NKAIN3: variants seen among roughly 807,000 people sequenced by gnomAD.
NKAIN3 encodes sodium/potassium transporting ATPase interacting 3.
A neutral mutation model predicts 30.2 loss-of-function variants in NKAIN3; 25 were observed. The observed-to-expected ratio is 0.83, with a 90% confidence interval of 0.60 to 1.16. The LOEUF (loss-of-function observed/expected upper bound fraction) is 1.16. Ranked by LOEUF, NKAIN3 falls within the 50% of genes most tolerant of loss-of-function variation. The pLI is 0.00. For synonymous variants in NKAIN3, 91 were observed against 89.6 expected (o/e 1.02, Z -0.09); for missense variants, 225 against 254.1 (o/e 0.89, Z 0.78).
In NKAIN3 at chr8:62,783,664, G is replaced by A. The variant is rs1012490099; in HGVS notation, c.471+36535G>A. Among the ~76,000 whole-genome samples, 30 of 136,964 alleles carry A rather than the reference G, an allele frequency of 2.2e-4. 1 individual carries two copies. Among genetic ancestry groups the A allele is most frequent in the Non-Finnish European group, 4.3e-4 (28 of 65,700 alleles). The allele number at this position is 136,964 out of a possible 152,430, so 89.9% of individuals were successfully genotyped here. A position where few individuals can be genotyped will look rare whatever the true frequency, so the allele number is the denominator to read the frequency against. On this transcript the variant is annotated intron_variant, in intron 4 of 6. Transcript: ENST00000623646. ...GCTGTGGCACCCAGGCTGCTGGAAT[G>A]CAATGGCAAGATCTCTGCTCACTGC...
At chr8:62,944,094 A>T (rs528385568) in intron 5 of NKAIN3, among the ~76,000 whole-genome samples, 2 of 152,188 alleles carry the variant, frequency 1.3e-5, no homozygotes, top group African/African-American at 2.4e-5. Flanking sequence ...AAAATCTCAG[A>T]AATCATCACT....
chr8:62,997,250 A>G (rs1019510856), intron 5 of NKAIN3, among the ~76,000 whole-genome samples: 9 of 152,232 alleles, frequency 5.9e-5, no homozygotes, highest in African/African-American at 1.7e-4. Context: ...TTAAGCTCCA[A>G]ATAAAATTTG....
chr8:62,597,787 G>C (rs1810877567), intron 3 of NKAIN3, among the ~76,000 whole-genome samples: 1 of 151,780 alleles, frequency 6.6e-6, no homozygotes, highest in Admixed American at 6.6e-5. Context: ...GTCTTCCCAA[G>C]TCTATGACTT....
intron 3 of NKAIN3, among the ~76,000 whole-genome samples, chr8:62,731,258 CACA>C (rs1815454403): frequency 6.6e-6 from 1 of 151,870 alleles, no homozygotes; most frequent in Non-Finnish European, 1.5e-5. Context: ...CACACACACA[CACA>C]CACACACACA....
At chr8:62,855,692 C>A (rs1201126588) in intron 4 of NKAIN3, 1 of 1,600,240 alleles carries the variant, frequency 6.2e-7, no homozygotes, top group African/African-American at 1.3e-5. Flanking sequence ...GCTGTCACTT[C>A]TGCATGTGAA....
intron 1 of NKAIN3, among the ~76,000 whole-genome samples, chr8:62,400,229 G>A (rs1220137806): frequency 7.1e-6 from 1 of 141,792 alleles, no homozygotes; most frequent in Non-Finnish European, 1.5e-5. Flanking sequence ...GCAGTGGTGT[G>A]ATCTCAGCTC....
rs140217669 is a variant in NKAIN3, at chr8:62,477,627, T to C, written c.55-101912T>C. On this transcript the variant is annotated intron_variant, in intron 1 of 6. Coordinates refer to ENST00000623646, the MANE Select transcript of NKAIN3 (RefSeq NM_001304533.3). ...AGATGAGGATGCTTGCTTCATTTTG[T>C]GGAGAAGGCTGCTGTGAGGTGTGTA... 2.6e-5 allele frequency among the ~76,000 whole-genome samples: 4 copies of C among 152,190 alleles called. No homozygotes were observed. The East Asian group carries it at 7.7e-4, about 29-fold the overall frequency.
chr8:62,552,982 G>T (rs1382972038), intron 1 of NKAIN3, among the ~76,000 whole-genome samples: 1 of 152,090 alleles, frequency 6.6e-6, no homozygotes, highest in Non-Finnish European at 1.5e-5. Flanking sequence ...TGGTAGTTGT[G>T]GTGGAGACAA....
chr8:62,938,687 C>G (rs1822859693), intron 5 of NKAIN3, among the ~76,000 whole-genome samples: 1 of 152,156 alleles, frequency 6.6e-6, no homozygotes, highest in South Asian at 2.1e-4. Flanking sequence ...AGCCCCACCC[C>G]TACGGGAAGA....
At chr8:62,456,175 C>A (rs1284297682) in intron 1 of NKAIN3, among the ~76,000 whole-genome samples, 1 of 152,128 alleles carries the variant, frequency 6.6e-6, no homozygotes, top group East Asian at 1.9e-4. Flanking sequence ...GTAACTAAAA[C>A]CACAGAAAGC....
intron 1 of NKAIN3, among the ~76,000 whole-genome samples, chr8:62,567,765 C>T (rs1809803820): frequency 6.6e-6 from 1 of 152,020 alleles, no homozygotes; most frequent in Non-Finnish European, 1.5e-5. Flanking sequence ...CCTTCTGATT[C>T]CTTGATTTTA....
At chr8:62,803,267 A>T (rs1384369435) in intron 4 of NKAIN3, among the ~76,000 whole-genome samples, 3 of 152,212 alleles carry the variant, frequency 2.0e-5, no homozygotes, top group Admixed American at 1.3e-4. Context: ...AGGGGACCTA[A>T]TAGACATCTA....
chr8:62,837,942 T>C (rs1028506181), intron 4 of NKAIN3, among the ~76,000 whole-genome samples: 3 of 152,040 alleles, frequency 2.0e-5, no homozygotes, highest in Admixed American at 6.6e-5. Flanking sequence ...ATTAGTTGTA[T>C]AGTCTGGGTT....
At chr8:62,472,035 A>C (rs1361666032) in intron 1 of NKAIN3, among the ~76,000 whole-genome samples, 1 of 151,668 alleles carries the variant, frequency 6.6e-6, no homozygotes, top group African/African-American at 2.4e-5. Context: ...GTTTAAAAAA[A>C]AAAAAAAAAG....
rs1823916674 is a variant in NKAIN3 at position 62,975,259 on chromosome 8, G to A, written c.*9852G>A. On this transcript the variant is annotated 3_prime_UTR_variant, in exon 7 of 7. Transcript: ENST00000623646. The stretch of plus-strand genomic sequence containing the variant: ...GGTACCAGCTCCTCTTTGTAACTCT[G>A]GTAGAGTTCAGCTATGAGTCCATCT... Among the ~76,000 whole-genome samples, 3 of 151,922 alleles carry A rather than the reference G, an allele frequency of 2.0e-5. No homozygotes were observed. Among genetic ancestry groups the A allele is most frequent in the Admixed American group, 2.0e-4 (3 of 15,252 alleles).
intron 4 of NKAIN3, among the ~76,000 whole-genome samples, chr8:62,822,152 A>G (rs1818866927): frequency 6.6e-6 from 1 of 152,298 alleles, no homozygotes; most frequent in South Asian, 2.1e-4. Flanking sequence ...GCATATTGCC[A>G]AAAGGAAAAG....
intron 1 of NKAIN3, chr8:62,483,096 G>A (rs1202236740): frequency 1.3e-5 from 2 of 152,126 alleles, no homozygotes; most frequent in Admixed American, 1.3e-4. Context: ...AATAAATTTG[G>A]GCAAGAAAAG....
chr8:62,862,864 T>A (rs1243065317), intron 4 of NKAIN3, among the ~76,000 whole-genome samples: 1 of 152,188 alleles, frequency 6.6e-6, no homozygotes, highest in East Asian at 1.9e-4. Flanking sequence ...TTAGCTTTTG[T>A]TTTTTGCAAA....
At chr8:62,416,435 A>G (rs1333366136) in intron 1 of NKAIN3, among the ~76,000 whole-genome samples, 2 of 152,206 alleles carry the variant, frequency 1.3e-5, no homozygotes, top group East Asian at 3.9e-4. Context: ...CCTTTCAGAC[A>G]CATTTGTTAG....
Sources: allele counts gnomAD v4.1 joint callset (sites outside exome capture counted in the v4.1 genomes callset), GRCh38; gene constraint gnomAD v4.1.1; transcripts MANE v1.5; gene names NCBI Gene and HGNC (gene_info 2026-07-23, HGNC 2026-07-21).